TBCK: variants seen among roughly 807,000 people sequenced by gnomAD.
TBCK encodes TBC1 domain containing kinase, also known as TBC domain-containing protein kinase-like protein.
TBCK carries 99 observed loss-of-function variants against 113.4 expected under a neutral mutation model. The ratio of observed to expected loss-of-function variants is 0.87; its 90% confidence interval spans 0.74 to 1.03. TBCK has a LOEUF of 1.03. TBCK is among the 50% of genes least tolerant of loss of function. TBCK has a pLI of 0.00. For synonymous variants in TBCK, 369 were observed against 370.8 expected, an observed-to-expected ratio of 1.00 and a Z score of 0.05; for missense variants, 1,045 against 1,061.3, an observed-to-expected ratio of 0.98 and a Z score of 0.21.
chr4:106,083,859 T>C (rs932631108), intron 25 of TBCK, among the ~76,000 whole-genome samples: 22 of 151,962 alleles, frequency 1.4e-4, no homozygotes, highest in African/African-American at 5.3e-4. Context: ...GACTTGACTA[T>C]TGAAACAAAA....
chr4:106,069,057 T>C (rs1003204301), intron 25 of TBCK, among the ~76,000 whole-genome samples: 19 of 152,232 alleles, frequency 1.2e-4, no homozygotes, highest in African/African-American at 4.6e-4. Flanking sequence ...CTTTGTCAGA[T>C]GAGTAGATTG....
chr4:106,291,382 C>T (rs1765694948), intron 3 of TBCK, among the ~76,000 whole-genome samples: 1 of 152,120 alleles, frequency 6.6e-6, no homozygotes, highest in Non-Finnish European at 1.5e-5. Context: ...AGACTGCCAA[C>T]AAAAAGAAAG....
chr4:106,215,202 G>C (rs1756722711), intron 19 of TBCK, among the ~76,000 whole-genome samples: 1 of 151,854 alleles, frequency 6.6e-6, no homozygotes, highest in African/African-American at 2.4e-5. Flanking sequence ...CCCTAAAAGA[G>C]CTCCTGAAGG....
chr4:106,102,004 G>A (rs1226402181), intron 24 of TBCK, among the ~76,000 whole-genome samples: 1 of 151,986 alleles, frequency 6.6e-6, no homozygotes, highest in African/African-American at 2.4e-5. Context: ...AAAATATACT[G>A]AAGAACAAAT....
chr4:106,218,198 C>T (rs1301000886), intron 19 of TBCK, among the ~76,000 whole-genome samples: 9 of 142,592 alleles, frequency 6.3e-5, no homozygotes, highest in African/African-American at 1.6e-4. Context: ...CCCTTCCTTA[C>T]ACCTTATACA....
chr4:106,156,914 A>C (rs896041242), intron 23 of TBCK, among the ~76,000 whole-genome samples: 10 of 152,036 alleles, frequency 6.6e-5, no homozygotes, highest in African/African-American at 2.4e-4. Context: ...TTTTCCCTCT[A>C]ATGTTCTCAA....
intron 23 of TBCK, among the ~76,000 whole-genome samples, chr4:106,144,154 C>T (rs570027123): frequency 5.9e-5 from 9 of 152,220 alleles, no homozygotes; most frequent in African/African-American, 2.2e-4. Flanking sequence ...CAATCTAATA[C>T]ATTTTTTAAA....
At chr4:106,171,450 T>C (rs994773134) in intron 22 of TBCK, among the ~76,000 whole-genome samples, 180 bp from the exon 23 acceptor site, 3 of 152,152 alleles carry the variant, frequency 2.0e-5, no homozygotes, top group African/African-American at 7.2e-5. Context: ...ACTGGATTGA[T>C]GGAAATATTT....
chr4:106,290,467 C>G (rs529904611), intron 3 of TBCK, among the ~76,000 whole-genome samples: 8 of 152,316 alleles, frequency 5.3e-5, no homozygotes, highest in African/African-American at 1.9e-4. Context: ...TGAGCCACCA[C>G]ACCCGGCCGG....
In TBCK at chr4:106,285,322, T is replaced by C. The variant is rs183210401; in HGVS notation, c.266+9772A>G. 4.4e-4 allele frequency among the ~76,000 whole-genome samples: 67 copies of C among 152,284 alleles called. 1 individual carries two copies. The highest frequency in any genetic ancestry group is 1.3e-3 in the African/African-American group (56 of 41,580). On this transcript the variant is annotated intron_variant, in intron 3 of 25. Coordinates refer to ENST00000394708, the MANE Select transcript of TBCK (RefSeq NM_001163435.3). ...ATAATATAAATTCTCAAAAGGGTTT[T>C]ACGGCCGTTAATACTAAGAGAGAAC... is the stretch of plus-strand genomic sequence containing the variant.
chr4:106,116,094 A>C (rs574097084), intron 24 of TBCK, 109 bp downstream of exon 24: 1 of 1,059,000 alleles, frequency 9.4e-7, no homozygotes, highest in Admixed American at 2.5e-5. Flanking sequence ...AACTACTTGA[A>C]TTCAGAAGAA....
chr4:106,212,649 T>C (rs1299405002), intron 20 of TBCK, 101 bp downstream of exon 20: 2 of 754,774 alleles, frequency 2.6e-6, no homozygotes, highest in East Asian at 2.6e-5. Context: ...TGTTCAGATA[T>C]GCACTATGAC....
At chr4:106,053,657 A>G (rs867468856) in intron 25 of TBCK, among the ~76,000 whole-genome samples, 1 of 151,624 alleles carries the variant, frequency 6.6e-6, no homozygotes, top group Admixed American at 6.6e-5. Context: ...TGTCTTTACT[A>G]TCTTCCCTGG....
chr4:106,065,109 T>G (rs1045562018), intron 25 of TBCK, among the ~76,000 whole-genome samples: 2 of 151,982 alleles, frequency 1.3e-5, no homozygotes, highest in South Asian at 4.1e-4. Flanking sequence ...AAAATAAAAA[T>G]TCTCCTTTAT....
chr4:106,295,284 C>A (rs1766178001), intron 2 of TBCK, 118 bp from the exon 3 acceptor site: 2 of 702,850 alleles, frequency 2.8e-6, no homozygotes, highest in South Asian at 3.0e-5. Flanking sequence ...TTTAAAAGAG[C>A]CTTTCAAACT....
chr4:106,107,306 G>A (rs146751200), intron 24 of TBCK, among the ~76,000 whole-genome samples: 160 of 152,076 alleles, frequency 1.1e-3, no homozygotes, highest in Non-Finnish European at 1.3e-3. Context: ...CTTTACAGAC[G>A]TCTCCACCCC....
intron 20 of TBCK, among the ~76,000 whole-genome samples, chr4:106,210,709 C>A (rs1457639891): frequency 1.3e-5 from 2 of 152,008 alleles, no homozygotes; most frequent in African/African-American, 4.8e-5. Context: ...GATTTATAAA[C>A]TTGTAGTATT....
intron 1 of TBCK, among the ~76,000 whole-genome samples, chr4:106,313,320 G>C (rs1023117476): frequency 6.6e-6 from 1 of 151,664 alleles, no homozygotes; most frequent in Non-Finnish European, 1.5e-5. Context: ...GGAGGATCAC[G>C]TGAGGTCAGG....
At position 106,248,964 on chromosome 4, in the gene TBCK, A is replaced by G. The variant is rs758167759; in HGVS notation, c.677T>C (p.Leu226Ser). The change falls in exon 8 of 26, where the codon TTA (leucine) becomes TCA (serine). Residue 226 changes from leucine (L) to serine (S), a missense_variant. By Grantham distance (145) the Leu-to-Ser change is moderately radical. Coordinates refer to ENST00000394708, the MANE Select transcript of TBCK (RefSeq NM_001163435.3). The part of the protein sequence containing the change: ...LLTLDCVDDT[L>S]IVLAEEHGCL... ...ACCATGCTCTTCAGCCAGAACTATT[A>G]AAGTGTCATCTACACAATCTATAAA... is the stretch of plus-strand genomic sequence containing the variant. The G allele has an allele frequency of 1.2e-6, 2 of 1,607,190 alleles. No individual in the cohort carries two copies. The highest frequency in any genetic ancestry group is 1.7e-6 in the Non-Finnish European group (2 of 1,177,642).
Sources: gnomAD v4.1 joint callset for allele counts (sites outside exome capture counted in the v4.1 genomes callset) on GRCh38, gnomAD v4.1.1 for gene constraint, MANE v1.5 for transcripts, NCBI Gene and HGNC (gene_info 2026-07-23, HGNC 2026-07-21) for gene names.